The following PHACTR3 variants were observed in gnomAD, a reference collection of about 807,000 sequenced individuals.
PHACTR3 encodes the protein protein phosphatase 1, regulatory subunit 123.
Under a neutral mutation model 66.8 loss-of-function variants are expected in PHACTR3, and 16 were observed. The observed-to-expected ratio is 0.24, with a 90% CI of 0.16 to 0.36. The LOEUF is 0.36. PHACTR3 is among the 10% of genes least tolerant of loss of function. The pLI is 1.00. For missense variants in PHACTR3, 647 were observed against 719.9 expected (o/e 0.90, Z 1.16); for synonymous variants, 323 against 292.1 (o/e 1.11, Z -1.08).
chr20:59,670,111 G>T (rs2036140864), intron 1 of PHACTR3, among the ~76,000 whole-genome samples: 1 of 152,224 alleles, frequency 6.6e-6, no homozygotes, highest in Non-Finnish European at 1.5e-5. Context: ...TCCCATTCTA[G>T]TGGGGGCCAT....
At chr20:59,773,096 A>G (rs2040409832) in intron 5 of PHACTR3, among the ~76,000 whole-genome samples, 183 bp from the exon 6 acceptor site, 1 of 152,174 alleles carries the variant, frequency 6.6e-6, no homozygotes, top group Non-Finnish European at 1.5e-5. Context: ...AGAACTGGAC[A>G]GAGATGCACC....
At chr20:59,602,502 A>ATT (rs2033509420), upstream of PHACTR3, among the ~76,000 whole-genome samples, 1 of 151,888 alleles carries the variant, frequency 6.6e-6, no homozygotes, top group Non-Finnish European at 1.5e-5. Flanking sequence ...CAAAGAGTTG[A>ATT]TTTAAAGACA....
chr20:59,614,046 G>A (rs2146350179), intron 1 of PHACTR3, among the ~76,000 whole-genome samples: 1 of 152,318 alleles, frequency 6.6e-6, no homozygotes, highest in Middle Eastern at 3.4e-3. Flanking sequence ...AGCTAGCGAG[G>A]CTGAGTAACC....
In PHACTR3 at chr20:59,604,739, G is replaced by C. The variant is rs2033596225; in HGVS notation, c.-276G>C. On this transcript the variant is annotated 5_prime_UTR_variant, in exon 1 of 13. Coordinates refer to ENST00000371015, the MANE Select transcript of PHACTR3 (RefSeq NM_080672.5). ...TTTTTTCCCTGGAATATAGACTGAA[G>C]AATGGGAATAAACACGAATAAATAA... 9.1e-7 allele frequency: 1 copy of C among 1,101,782 alleles called. No individual in the cohort carries two copies. Among genetic ancestry groups the C allele is most frequent in the Non-Finnish European group, 1.1e-6 (1 of 908,046 alleles). 68.3% of individuals were successfully genotyped at this position (1,101,782 alleles called of 1,614,324 possible). A position where few individuals can be genotyped will look rare whatever the true frequency, so the allele number is the denominator to read the frequency against.
chr20:59,763,316 A>G (rs2040063739), intron 4 of PHACTR3, among the ~76,000 whole-genome samples: 2 of 152,364 alleles, frequency 1.3e-5, no homozygotes. Flanking sequence ...CTGTGAGCCA[A>G]TTAAACCTCT....
chr20:59,781,326 G>T (rs981064326), intron 7 of PHACTR3, among the ~76,000 whole-genome samples: 1 of 152,208 alleles, frequency 6.6e-6, no homozygotes, highest in African/African-American at 2.4e-5. Flanking sequence ...CCTCAAGAAG[G>T]CCTCTCGATG....
chr20:59,646,207 C>A (rs2035277087), intron 1 of PHACTR3, among the ~76,000 whole-genome samples: 1 of 152,140 alleles, frequency 6.6e-6, no homozygotes, highest in Admixed American at 6.5e-5. Flanking sequence ...TTAGTGGGAG[C>A]CCTGGGGCCC....
chr20:59,733,427 G>A (rs941268709), intron 1 of PHACTR3, among the ~76,000 whole-genome samples: 1 of 152,184 alleles, frequency 6.6e-6, no homozygotes, highest in South Asian at 2.1e-4. Context: ...CACATCTCTT[G>A]CAGCCTGGCC....
chr20:59,675,831 G>A (rs2036432308), intron 1 of PHACTR3, among the ~76,000 whole-genome samples: 1 of 152,200 alleles, frequency 6.6e-6, no homozygotes, highest in African/African-American at 2.4e-5. Flanking sequence ...CCCCTCCCCA[G>A]CTGACCCTAT....
chr20:59,814,406 G>T (rs1289768769), intron 8 of PHACTR3, among the ~76,000 whole-genome samples: 2 of 152,128 alleles, frequency 1.3e-5, no homozygotes, highest in Non-Finnish European at 1.5e-5. Context: ...AAGAAGGCAG[G>T]CAGACACAGG....
chr20:59,680,113 C>T (rs1324271850), intron 1 of PHACTR3, among the ~76,000 whole-genome samples: 3 of 152,198 alleles, frequency 2.0e-5, no homozygotes, highest in East Asian at 3.9e-4. Context: ...TCCCCATCTC[C>T]TGTCTTCTGG....
chr20:59,827,275 CA>C (rs1217231658), intron 8 of PHACTR3, among the ~76,000 whole-genome samples: 1 of 152,128 alleles, frequency 6.6e-6, no homozygotes, highest in Non-Finnish European at 1.5e-5. Context: ...GCCCTTGGAA[CA>C]CCCGGCTCCA....
chr20:59,830,222 C>CTGATAGAAGAGGGT lies in PHACTR3; in HGVS notation c.1329-6283_1329-6282insTGATAGAAGAGGGT, dbSNP rs2042319129. ...GGTATGAGTGTCTGATAGAAGAGGG[C>CTGATAGAAGAGGGT]GTGAGTGTCTGATGGAAGAGGGTAT... On this transcript the variant is annotated intron_variant, in intron 8 of 12. Transcript: ENST00000371015. This position sits in a 1 kb window ranked among gnomAD's most constrained non-coding sequence, Gnocchi z 5.8. Among the ~76,000 whole-genome samples the CTGATAGAAGAGGGT allele has an allele frequency of 1.4e-5, 2 of 141,534 alleles. No individual in the cohort carries two copies. Among genetic ancestry groups the CTGATAGAAGAGGGT allele is most frequent in the Non-Finnish European group, 1.5e-5 (1 of 66,956 alleles). 92.9% of individuals were successfully genotyped at this position (141,534 alleles called of 152,430 possible). A position where few individuals can be genotyped will look rare whatever the true frequency, so the allele number is the denominator to read the frequency against.
At chr20:59,751,004 G>C (rs1410323562) in intron 3 of PHACTR3, among the ~76,000 whole-genome samples, 1 of 152,228 alleles carries the variant, frequency 6.6e-6, no homozygotes, top group African/African-American at 2.4e-5. Context: ...CTGGTGCTGG[G>C]TCACCGGGTC....
chr20:59,730,161 A>G (rs1447074322), intron 1 of PHACTR3, among the ~76,000 whole-genome samples: 1 of 152,188 alleles, frequency 6.6e-6, no homozygotes, highest in African/African-American at 2.4e-5. Context: ...TCAAGTAGCC[A>G]GGATGGACAT....
intron 1 of PHACTR3, among the ~76,000 whole-genome samples, chr20:59,699,609 T>G (rs1352037086): frequency 1.2e-4 from 18 of 152,162 alleles, no homozygotes. Context: ...TTAAGCAGCA[T>G]GAAAAGGTGC....
intron 8 of PHACTR3, among the ~76,000 whole-genome samples, chr20:59,822,115 G>A (rs1328281447): frequency 3.5e-4 from 15 of 42,308 alleles, no homozygotes; most frequent in African/African-American, 6.3e-4. Context: ...CCTCCGCAGC[G>A]ATCCCACCCC....
In PHACTR3 at chr20:59,611,186, C is replaced by T. The variant is rs74531877; in HGVS notation, c.118+6054C>T. 1.6e-4 allele frequency among the ~76,000 whole-genome samples: 25 copies of T among 152,338 alleles called. No homozygotes were observed. In the East Asian group the frequency reaches 4.8e-3, roughly 29 times the overall value. On this transcript the variant is annotated intron_variant, in intron 1 of 12. Transcript: ENST00000371015. ...GTTTCCTTTAATGTAAAATGGTAGG[C>T]ATTATTGTCCTTAAGTTCAGAATGA...
chr20:59,795,592 G>A (rs1406335080), intron 7 of PHACTR3, among the ~76,000 whole-genome samples: 2 of 152,024 alleles, frequency 1.3e-5, no homozygotes, highest in South Asian at 2.1e-4. Context: ...GATATCACCT[G>A]CTATTATTGT....
Sources: gnomAD v4.1 joint callset for allele counts (sites outside exome capture counted in the v4.1 genomes callset) on GRCh38, gnomAD v4.1.1 for gene constraint, Gnocchi (gnomAD v3.1) non-coding constraint, MANE v1.5 for transcripts, NCBI Gene and HGNC (gene_info 2026-07-23, HGNC 2026-07-21) for gene names.